Variants in CALN1 observed in about 807,000 individuals in gnomAD.
The protein encoded by CALN1 is calcium-binding protein 8.
A neutral mutation model predicts 30.6 loss-of-function variants in CALN1; 17 were observed. That is an observed-to-expected ratio of 0.56 (90% CI 0.38 to 0.83). The LOEUF is 0.83. Among genes scored for constraint, CALN1 ranks in the 40% least tolerant of loss-of-function variants. CALN1 has a pLI of 0.00. For synonymous variants in CALN1, 156 were observed against 131.4 expected (o/e 1.19, Z -1.28); for missense variants, 291 against 354.9 (o/e 0.82, Z 1.45).
At chr7:72,247,070 T>C (rs16869625) in intron 3 of CALN1, among the ~76,000 whole-genome samples, 28,583 of 151,310 alleles carry the variant, frequency 0.19, 3,746 homozygotes, top group East Asian at 0.43. Context: ...ACCAGAACAA[T>C]TTTTATATAA....
intron 3 of CALN1, among the ~76,000 whole-genome samples, chr7:72,219,840 G>C (rs1793145101): frequency 6.6e-6 from 1 of 152,048 alleles, no homozygotes; most frequent in Non-Finnish European, 1.5e-5. Flanking sequence ...AATAGGGTCA[G>C]TTCAAGAGAC....
chr7:71,856,024 A>G (rs929664203), intron 5 of CALN1, among the ~76,000 whole-genome samples: 12 of 151,920 alleles, frequency 7.9e-5, no homozygotes, highest in Admixed American at 7.9e-4. Flanking sequence ...CTATGTATGT[A>G]TGTATTTTGT....
chr7:72,126,043 C>T (rs528406420), intron 3 of CALN1, among the ~76,000 whole-genome samples: 133 of 152,242 alleles, frequency 8.7e-4, no homozygotes, highest in African/African-American at 2.9e-3. Flanking sequence ...TCATGATCCG[C>T]CCACCTCGGC....
intron 3 of CALN1, among the ~76,000 whole-genome samples, chr7:72,192,558 G>C (rs1790684231): frequency 6.6e-6 from 1 of 151,970 alleles, no homozygotes; most frequent in Non-Finnish European, 1.5e-5. Context: ...GAACAGCCTG[G>C]AGCAGGGGCA....
intron 3 of CALN1, among the ~76,000 whole-genome samples, chr7:72,215,751 T>C (rs1207774929): frequency 6.6e-6 from 1 of 152,098 alleles, no homozygotes; most frequent in Non-Finnish European, 1.5e-5. Flanking sequence ...AGCTAGGATC[T>C]CCCTGCAAAA....
chr7:72,217,831 AAT>A (rs1585191060), intron 3 of CALN1, among the ~76,000 whole-genome samples: 9 of 133,052 alleles, frequency 6.8e-5, no homozygotes, highest in Admixed American at 2.5e-4. Flanking sequence ...AAATTAAATA[AAT>A]TTTTTTTTTT....
intron 2 of CALN1, among the ~76,000 whole-genome samples, chr7:72,292,848 T>C (rs1002386368): frequency 1.3e-5 from 2 of 150,374 alleles, no homozygotes; most frequent in Admixed American, 6.6e-5. Context: ...TTTCAACATA[T>C]GACTTTTGGA....
At chr7:71,996,961 G>T (rs189336322) in intron 5 of CALN1, among the ~76,000 whole-genome samples, 72 of 152,250 alleles carry the variant, frequency 4.7e-4, no homozygotes, top group African/African-American at 1.5e-3. Flanking sequence ...GCTTGGTGGC[G>T]CACATCTATA....
At chr7:72,408,543 C>T (rs1293894340) in intron 1 of CALN1, among the ~76,000 whole-genome samples, 1 of 152,044 alleles carries the variant, frequency 6.6e-6, no homozygotes, top group Non-Finnish European at 1.5e-5. Context: ...GGTGACAAAA[C>T]CAACAAGGCC....
intron 3 of CALN1, among the ~76,000 whole-genome samples, chr7:72,107,711 A>G (rs1441441445): frequency 6.6e-6 from 1 of 152,196 alleles, no homozygotes; most frequent in Non-Finnish European, 1.5e-5. Flanking sequence ...AAGCCCAGAT[A>G]TGTCAGCTGC....
At chr7:72,195,564 G>C (rs904239275) in intron 3 of CALN1, among the ~76,000 whole-genome samples, 18 of 152,130 alleles carry the variant, frequency 1.2e-4, no homozygotes, top group African/African-American at 4.1e-4. Context: ...ATTTTTTTAA[G>C]GATGGGGTCT....
the CALN1 span, among the ~76,000 whole-genome samples, chr7:72,483,094 T>C: frequency 1.3e-5 from 2 of 152,112 alleles, no homozygotes; most frequent in Non-Finnish European, 2.9e-5. Context: ...CTGTCATTCT[T>C]ATCTTGTTTA....
intron 3 of CALN1, among the ~76,000 whole-genome samples, chr7:72,141,494 T>G (rs796468299): frequency 7.2e-5 from 11 of 152,102 alleles, no homozygotes; most frequent in African/African-American, 2.7e-4. Context: ...ACCCTTCGGC[T>G]AGGCCTATGC....
intron 3 of CALN1, among the ~76,000 whole-genome samples, chr7:72,248,355 T>TC (rs992707316): frequency 2.0e-5 from 3 of 152,138 alleles, no homozygotes; most frequent in Non-Finnish European, 4.4e-5. Flanking sequence ...CACCTTGGCC[T>TC]CCCAAAGGGC....
chr7:72,210,209 G>A (rs1161706355), intron 3 of CALN1, among the ~76,000 whole-genome samples: 1 of 151,966 alleles, frequency 6.6e-6, no homozygotes, highest in East Asian at 1.9e-4. Flanking sequence ...TCTCCAGAAC[G>A]GCCTCCCCTT....
chr7:71,894,624 A>T (rs912047245), intron 5 of CALN1, among the ~76,000 whole-genome samples: 2 of 152,170 alleles, frequency 1.3e-5, no homozygotes, highest in Non-Finnish European at 2.9e-5. Context: ...TCCAGATGAG[A>T]TTAGAATATA....
intron 5 of CALN1, among the ~76,000 whole-genome samples, chr7:71,938,038 G>C (rs1562919120): frequency 6.6e-6 from 1 of 152,148 alleles, no homozygotes; most frequent in Admixed American, 6.5e-5. Context: ...GCAACATCTG[G>C]GTTGGGGCTT....
rs111909844 is a variant in CALN1, at chr7:72,279,196, A to G, written c.120-386T>C. On this transcript the variant is annotated intron_variant, in intron 2 of 6. Coordinates refer to ENST00000395275, the MANE Select transcript of CALN1 (RefSeq NM_031468.4). ...TGTAAGGAAGGACTGAGAATCCCAG[A>G]AGTGTAGGGATGCCCAGGGACTAGA... Among the ~76,000 whole-genome samples the G allele has an allele frequency of 8.5e-3, 1,291 of 152,280 alleles. 15 individuals are homozygous for G. The highest frequency in any genetic ancestry group is 0.013 in the Non-Finnish European group (893 of 68,018).
rs145175023 is a variant in CALN1, at chr7:71,960,424, G to A, written c.501+63233C>T. On this transcript the variant is annotated intron_variant, in intron 5 of 6. Transcript: ENST00000395275. The stretch of plus-strand genomic sequence containing the variant: ...TCGCATTTGTAAGTGAGAACATGTG[G>A]TATTTGACTTTCTGTTTCTGAGCTA... Among the ~76,000 whole-genome samples the A allele has an allele frequency of 5.5e-3, 835 of 152,178 alleles. 6 individuals are homozygous for A. The highest frequency in any genetic ancestry group is 0.019 in the African/African-American group (802 of 41,532).
Sources: gnomAD v4.1 joint callset for allele counts (sites outside exome capture counted in the v4.1 genomes callset) on GRCh38, gnomAD v4.1.1 for gene constraint, MANE v1.5 for transcripts, NCBI Gene and HGNC (gene_info 2026-07-23, HGNC 2026-07-21) for gene names.